Variants in C3orf52 observed in about 807,000 individuals in gnomAD.
C3orf52 encodes the protein TPA-induced transmembrane protein.
A neutral mutation model predicts 24.8 loss-of-function variants in C3orf52; 22 were observed. The ratio of observed to expected loss-of-function variants is 0.89; its 90% CI spans 0.63 to 1.27. The LOEUF (loss-of-function observed/expected upper bound fraction) is 1.27. Among genes scored for constraint, C3orf52 ranks in the 50% most tolerant of loss-of-function variants. The pLI is 0.00. For synonymous variants in C3orf52, 93 were observed against 100.2 expected, an observed-to-expected ratio of 0.93 and a Z score of 0.43; for missense variants, 265 against 260.7, an observed-to-expected ratio of 1.02 and a Z score of -0.11.
At chr3:112,104,375 A>G (rs75084162) in intron 3 of C3orf52, among the ~76,000 whole-genome samples, 9,342 of 152,210 alleles carry the variant, frequency 0.061, 392 homozygotes, top group African/African-American at 0.12. Flanking sequence ...CCCTCCATTA[A>G]ATTCTTCTCT....
At chr3:112,121,907 C>T (rs1191442613), downstream of C3orf52, 1 of 152,220 alleles carries the variant, frequency 6.6e-6, no homozygotes, top group East Asian at 1.9e-4. Flanking sequence ...GGTTCCCTGT[C>T]GCTTAGCTGG....
chr3:112,110,408 C>T (rs1013300878), intron 4 of C3orf52, among the ~76,000 whole-genome samples: 3 of 152,144 alleles, frequency 2.0e-5, no homozygotes, highest in Admixed American at 1.3e-4. Flanking sequence ...TGCCTCCTTT[C>T]TTCTCCACTG....
At chr3:112,096,782 C>G (rs573336922) in intron 2 of C3orf52, among the ~76,000 whole-genome samples, 1 of 152,292 alleles carries the variant, frequency 6.6e-6, no homozygotes, top group South Asian at 2.1e-4. Context: ...AGCAGACCAA[C>G]TTGTAGTAGG....
At chr3:112,087,916 G>C (rs902446120) in intron 1 of C3orf52, among the ~76,000 whole-genome samples, 1 of 152,230 alleles carries the variant, frequency 6.6e-6, no homozygotes, top group African/African-American at 2.4e-5. Flanking sequence ...AGCCTGTCCC[G>C]TAGTGGTAAT....
At chr3:112,118,589 C>G (rs1193491872), downstream of C3orf52, among the ~76,000 whole-genome samples, 1 of 152,136 alleles carries the variant, frequency 6.6e-6, no homozygotes, top group African/African-American at 2.4e-5. Context: ...ATAGAGAGGA[C>G]TTTCCATAGA....
chr3:112,115,399 AC>A (rs2074125750), intron 5 of C3orf52, among the ~76,000 whole-genome samples: 3 of 152,154 alleles, frequency 2.0e-5, no homozygotes, highest in Admixed American at 1.3e-4. Flanking sequence ...ATGAGTTCTT[AC>A]GCCAGTTTCT....
intron 4 of C3orf52, among the ~76,000 whole-genome samples, chr3:112,125,955 C>T (rs2074308421): frequency 6.6e-6 from 1 of 152,198 alleles, no homozygotes; most frequent in Non-Finnish European, 1.5e-5. Context: ...ATTCCATAAA[C>T]AAACATGTGC....
At chr3:112,133,465 C>T (rs1170167272), downstream of C3orf52, 5 of 232,116 alleles carry the variant, frequency 2.2e-5, no homozygotes, top group Admixed American at 5.7e-5. Context: ...CAGATATTTA[C>T]GTTTATAAAT....
chr3:112,108,294 T>C (rs75401353), intron 3 of C3orf52, among the ~76,000 whole-genome samples: 7,387 of 152,172 alleles, frequency 0.049, 223 homozygotes, highest in South Asian at 0.11. Context: ...ATTAAAACAA[T>C]GTGAAGCACT....
rs1316782657 is a variant in C3orf52 at position 112,086,922 on chromosome 3, T to C, written c.138+377T>C. On this transcript the variant is annotated intron_variant, in intron 1 of 5. Coordinates refer to ENST00000264848, the MANE Select transcript of C3orf52 (RefSeq NM_024616.3). ...GAGAATGAGAATGACAAATTGAGTA[T>C]CCTCCTTCTCTCAGAATCTCTTCTG... Among the ~76,000 whole-genome samples the C allele has an allele frequency of 3.9e-5, 6 of 152,298 alleles. No homozygotes were observed. In the East Asian group the frequency reaches 1.2e-3, roughly 29 times the overall value.
chr3:112,091,914 GA>G (rs1259984196), intron 1 of C3orf52, among the ~76,000 whole-genome samples: 1 of 152,056 alleles, frequency 6.6e-6, no homozygotes, highest in Non-Finnish European at 1.5e-5. Context: ...TGAGGCAGGA[GA>G]ATGGCGTGAA....
chr3:112,086,617 C>T, intron 1 of C3orf52, 72 bp downstream of exon 1: 1 of 1,493,976 alleles, frequency 6.7e-7, no homozygotes, highest in Non-Finnish European at 9.0e-7. Context: ...CTGGCACCCG[C>T]GAGTTTCGGG....
intron 3 of C3orf52, among the ~76,000 whole-genome samples, chr3:112,106,908 C>T (rs1225416233): frequency 6.6e-6 from 1 of 152,150 alleles, no homozygotes; most frequent in Non-Finnish European, 1.5e-5. Flanking sequence ...CTAATCAATT[C>T]GCTGAGCTCC....
In C3orf52 at chr3:112,087,075, G is replaced by T. The variant is rs192288648; in HGVS notation, c.138+530G>T. Among the ~76,000 whole-genome samples the T allele has an allele frequency of 5.8e-3, 880 of 151,342 alleles. 13 individuals are homozygous for T. Among genetic ancestry groups the T allele is most frequent in the African/African-American group, 0.02 (843 of 41,318 alleles). On this transcript the variant is annotated intron_variant, in intron 1 of 5. Transcript: ENST00000264848. ...TCTGCCTTCTCCCAGCCTGGCCATT[G>T]GATTCTGCCGGAAGAGAGATAGGGG...
intron 1 of C3orf52, among the ~76,000 whole-genome samples, chr3:112,092,527 T>G (rs2073888183): frequency 6.6e-6 from 1 of 152,132 alleles, no homozygotes; most frequent in Admixed American, 6.5e-5. Context: ...AAAGGGAAAG[T>G]TGGAGAGCTT....
At chr3:112,119,178 C>T (rs981972705), downstream of C3orf52, among the ~76,000 whole-genome samples, 1 of 152,024 alleles carries the variant, frequency 6.6e-6, no homozygotes, top group African/African-American at 2.4e-5. Flanking sequence ...AGGTTAGGAG[C>T]TCGAGACCAG....
chr3:112,115,570 G>T (rs2074126995), intron 5 of C3orf52, among the ~76,000 whole-genome samples: 1 of 152,012 alleles, frequency 6.6e-6, no homozygotes, highest in Non-Finnish European at 1.5e-5. Flanking sequence ...AGACAGCTGT[G>T]TACCTTCTCC....
chr3:112,094,906 G>C (rs1235245695), intron 2 of C3orf52, among the ~76,000 whole-genome samples: 1 of 152,210 alleles, frequency 6.6e-6, no homozygotes, highest in Admixed American at 6.5e-5. Flanking sequence ...TACAAACCCA[G>C]TCATAGAATG....
intron 3 of C3orf52, among the ~76,000 whole-genome samples, chr3:112,103,413 A>G (rs1286542474): frequency 6.6e-6 from 1 of 152,202 alleles, no homozygotes; most frequent in Non-Finnish European, 1.5e-5. Context: ...CTGTAGTGCA[A>G]AGCCAGAGGG....
Sources: allele counts gnomAD v4.1 joint callset (sites outside exome capture counted in the v4.1 genomes callset), GRCh38; gene constraint gnomAD v4.1.1; transcripts MANE v1.5; gene names NCBI Gene and HGNC (gene_info 2026-07-23, HGNC 2026-07-21).